GRIN2A: variants seen among roughly 807,000 people sequenced by gnomAD.
GRIN2A encodes glutamate receptor ionotropic, NMDA 2A.
In GRIN2A, 22 loss-of-function variants were observed where a neutral mutation model predicts 113.4. The observed-to-expected ratio is 0.19, with a 90% CI of 0.14 to 0.28. GRIN2A has a LOEUF of 0.28. GRIN2A is among the 10% of genes least tolerant of loss of function. GRIN2A has a pLI of 1.00. For synonymous variants in GRIN2A, 827 were observed against 738.4 expected (o/e 1.12, Z -1.94); for missense variants, 1,502 against 1,887.0 (o/e 0.80, Z 3.78).
At chr16:10,038,692 A>C (rs546492133) in intron 2 of GRIN2A, among the ~76,000 whole-genome samples, 22 of 94,772 alleles carry the variant, frequency 2.3e-4, no homozygotes, top group East Asian at 8.2e-4. Flanking sequence ...AAAAAACACA[A>C]AAAAAATTAC....
At chr16:9,831,068 C>T (rs989627265) in intron 8 of GRIN2A, among the ~76,000 whole-genome samples, 2 of 152,066 alleles carry the variant, frequency 1.3e-5, no homozygotes, top group Admixed American at 6.6e-5. Context: ...TAAAGTGCAG[C>T]GAAATGTAAC....
In GRIN2A at chr16:9,829,492, T is replaced by C. The variant is rs1567328974; in HGVS notation, c.1938A>G (p.Thr646=). Reference sequence around the variant, plus strand: ...GGATCATGAAGGCAGCCAGATTGGCTGTGTAGCTAGCCAGGAATATGACAG... The same window carrying C: ...GGATCATGAAGGCAGCCAGATTGGCCGTGTAGCTAGCCAGGAATATGACAG... ...FFAVIFLASY[T]ANLAAFMIQE... Residue 646 remains threonine (T), a synonymous_variant, in exon 9 of 13, where the codon ACA becomes ACG. Transcript: ENST00000330684. The C allele has an allele frequency of 1.9e-6, 3 of 1,613,918 alleles. No individual in the cohort carries two copies. The highest frequency in any genetic ancestry group is 1.7e-5 in the Admixed American group (1 of 59,996).
intron 2 of GRIN2A, among the ~76,000 whole-genome samples, chr16:10,019,171 C>G (rs2046668478): frequency 6.6e-6 from 1 of 152,026 alleles, no homozygotes; most frequent in African/African-American, 2.4e-5. Flanking sequence ...TCACTGCTAA[C>G]ACTTCATTAG....
At position 9,790,975 on chromosome 16, in the gene GRIN2A, A is replaced by G. The variant is rs916102757; in HGVS notation, c.2356+7302T>C. 3.3e-5 allele frequency among the ~76,000 whole-genome samples: 5 copies of G among 152,340 alleles called. No individual in the cohort carries two copies. In the East Asian group the frequency reaches 7.7e-4, roughly 24 times the overall value. ...CCCAGGGCACATGGAGAGGCCAACAATGGCATCTAATGTGTGCCAGGCATG... is the reference window on the plus strand; with the variant it reads ...CCCAGGGCACATGGAGAGGCCAACAGTGGCATCTAATGTGTGCCAGGCATG... On this transcript the variant is annotated intron_variant, in intron 11 of 12. Transcript: ENST00000330684.
chr16:10,061,641 T>C (rs1292565168), intron 2 of GRIN2A, among the ~76,000 whole-genome samples: 5 of 152,206 alleles, frequency 3.3e-5, no homozygotes, highest in African/African-American at 1.2e-4. Context: ...TGTGATATTA[T>C]ATATGTCATT....
chr16:10,048,277 TAGTA>T (rs1243916018), intron 2 of GRIN2A, among the ~76,000 whole-genome samples: 6 of 152,320 alleles, frequency 3.9e-5, no homozygotes, highest in Non-Finnish European at 7.3e-5. Flanking sequence ...GATTGGCACT[TAGTA>T]AGCCCTATGT....
chr16:9,894,613 T>C (rs2043765530), intron 3 of GRIN2A, among the ~76,000 whole-genome samples: 1 of 152,190 alleles, frequency 6.6e-6, no homozygotes, highest in Non-Finnish European at 1.5e-5. Context: ...AGTGGAGAAC[T>C]GGAGTCAAAT....
At chr16:10,028,252 C>T (rs571296639) in intron 2 of GRIN2A, among the ~76,000 whole-genome samples, 1 of 152,302 alleles carries the variant, frequency 6.6e-6, no homozygotes, top group South Asian at 2.1e-4. Flanking sequence ...TTAAATTCCC[C>T]CAAGTTTCAC....
At chr16:10,164,252 G>A (rs888776115) in intron 2 of GRIN2A, among the ~76,000 whole-genome samples, 4 of 152,244 alleles carry the variant, frequency 2.6e-5, no homozygotes, top group African/African-American at 9.6e-5. Flanking sequence ...CGTGGCCACT[G>A]ACTCTGTACA....
intron 2 of GRIN2A, among the ~76,000 whole-genome samples, chr16:9,941,832 C>T (rs1009189665): frequency 6.6e-5 from 10 of 152,112 alleles, no homozygotes; most frequent in Non-Finnish European, 4.4e-5. Context: ...TAATGCCACC[C>T]CCAACCACCT....
chr16:9,832,498 AGTTT>A (rs1304764768), intron 8 of GRIN2A, among the ~76,000 whole-genome samples: 14 of 152,064 alleles, frequency 9.2e-5, no homozygotes, highest in Non-Finnish European at 4.4e-5. Flanking sequence ...TGTTATTATT[AGTTT>A]GTGTGTCTAC....
At chr16:10,076,334 G>C (rs13331030) in intron 2 of GRIN2A, among the ~76,000 whole-genome samples, 21,230 of 152,130 alleles carry the variant, frequency 0.14, 1,995 homozygotes, top group African/African-American at 0.27. Context: ...GGAGAATGTT[G>C]ACGAGGCAAC....
intron 9 of GRIN2A, among the ~76,000 whole-genome samples, chr16:9,824,908 G>T (rs2042357627): frequency 6.6e-6 from 1 of 152,036 alleles, no homozygotes; most frequent in Non-Finnish European, 1.5e-5. Flanking sequence ...AAGTCCCAGG[G>T]TCTACATCCA....
intron 10 of GRIN2A, among the ~76,000 whole-genome samples, chr16:9,799,724 C>T (rs1903238072): frequency 6.6e-6 from 1 of 152,150 alleles, no homozygotes; most frequent in Non-Finnish European, 1.5e-5. Context: ...CATTCCATAC[C>T]TAGTGAATAT....
At chr16:10,063,330 C>T (rs560456700) in intron 2 of GRIN2A, among the ~76,000 whole-genome samples, 1 of 152,252 alleles carries the variant, frequency 6.6e-6, no homozygotes, top group African/African-American at 2.4e-5. Flanking sequence ...CATGAAACAA[C>T]CCAGCACATG....
chr16:10,082,117 C>T (rs1244590945), intron 2 of GRIN2A, among the ~76,000 whole-genome samples: 1 of 152,208 alleles, frequency 6.6e-6, no homozygotes, highest in Non-Finnish European at 1.5e-5. Context: ...ACTCTGTCTC[C>T]AGTGGTTCCA....
At chr16:10,071,640 C>G (rs1474602685) in intron 2 of GRIN2A, among the ~76,000 whole-genome samples, 2 of 152,102 alleles carry the variant, frequency 1.3e-5, no homozygotes, top group Admixed American at 6.5e-5. Context: ...ATGAGTCTCA[C>G]CAGACAGGGC....
Position 10,171,006 on chromosome 16 carries a change from A to T in GRIN2A, c.414+8992T>A, listed in dbSNP as rs193006011. ...CCAGTGCAGTCTTTAGAGTGACTCCATCACTTCAATCTGAAGTTTTGAATT... is the reference window on the plus strand; with the variant it reads ...CCAGTGCAGTCTTTAGAGTGACTCCTTCACTTCAATCTGAAGTTTTGAATT... On this transcript the variant is annotated intron_variant, in intron 2 of 12. Transcript: ENST00000330684. Among the ~76,000 whole-genome samples the T allele has an allele frequency of 7.2e-5, 11 of 152,314 alleles. No individual in the cohort carries two copies. The East Asian group carries it at 1.5e-3, about 21-fold the overall frequency.
chr16:9,758,453 A>C lies in GRIN2A; in HGVS notation c.*4696T>G, dbSNP rs1403411420. The C allele has an allele frequency of 9.1e-6, 2 of 219,824 alleles. No individual in the cohort carries two copies. Among genetic ancestry groups the C allele is most frequent in the Non-Finnish European group, 1.8e-5 (2 of 109,552 alleles). 13.6% of individuals were successfully genotyped at this position (219,824 alleles called of 1,614,324 possible). On this transcript the variant is annotated 3_prime_UTR_variant, in exon 13 of 13. Coordinates refer to ENST00000330684, the MANE Select transcript of GRIN2A (RefSeq NM_001134407.3). ...CATCCTCCCTACAACTGAGATTAAA[A>C]AAATATAGTGCCCTCTCTACAGAAA...
Sources: gnomAD v4.1 joint callset for allele counts (sites outside exome capture counted in the v4.1 genomes callset) on GRCh38, gnomAD v4.1.1 for gene constraint, MANE v1.5 for transcripts, NCBI Gene and HGNC (gene_info 2026-07-23, HGNC 2026-07-21) for gene names.